PLEKHA5: variants seen among roughly 807,000 people sequenced by gnomAD.
PLEKHA5 encodes the protein pleckstrin homology domain containing A5, also known as pleckstrin homology domain-containing family A member 5.
Under a neutral mutation model 181.9 loss-of-function variants are expected in PLEKHA5, and 55 were observed. The ratio of observed to expected loss-of-function variants is 0.30; its 90% CI spans 0.24 to 0.38. PLEKHA5 has a LOEUF of 0.38. Among genes scored for constraint, PLEKHA5 ranks in the 10% least tolerant of loss-of-function variants. The pLI, the probability that PLEKHA5 is intolerant of heterozygous loss-of-function variation, is 1.00. For missense variants in PLEKHA5, 1,432 were observed against 1,549.5 expected, an observed-to-expected ratio of 0.92 and a Z score of 1.27; for synonymous variants, 535 against 529.4, an observed-to-expected ratio of 1.01 and a Z score of -0.15.
rs775096129 is a variant in PLEKHA5, at chr12:19,130,135, C to T, written c.169+5C>T. 7 of 1,552,618 alleles carry T rather than the reference C, an allele frequency of 4.5e-6. No individual in the cohort carries two copies. The highest frequency in any genetic ancestry group is 3.4e-4 in the Middle Eastern group (2 of 5,876). On this transcript the variant is annotated splice_donor_5th_base_variant and intron_variant, in intron 2 of 31. Coordinates refer to ENST00000429027, the MANE Select transcript of PLEKHA5 (RefSeq NM_001256470.2). The surrounding 1 kb of genome is among the most constrained non-coding windows in gnomAD (Gnocchi z 4.5). The stretch of plus-strand genomic sequence containing the variant: ...GACACCGGCGGCAGAGCACAGGTAA[C>T]GCCGGGCCCAAACGGAGTTGGGCTC...
At chr12:19,156,198 T>C (rs1024674431) in intron 3 of PLEKHA5, among the ~76,000 whole-genome samples, 2 of 103,840 alleles carry the variant, frequency 1.9e-5, no homozygotes, top group South Asian at 4.0e-4. Flanking sequence ...CTTGATTTGT[T>C]TTTTTTCCTT....
intron 3 of PLEKHA5, among the ~76,000 whole-genome samples, chr12:19,227,027 C>T (rs982264693): frequency 1.3e-5 from 2 of 151,942 alleles, no homozygotes; most frequent in Admixed American, 1.3e-4. Flanking sequence ...CAGTTCCATA[C>T]CTCTTTTGTG....
At chr12:19,220,411 G>T (rs1414270544) in intron 3 of PLEKHA5, among the ~76,000 whole-genome samples, 1 of 151,974 alleles carries the variant, frequency 6.6e-6, no homozygotes, top group African/African-American at 2.4e-5. Context: ...TTTGACAGAG[G>T]TATGAAAATG....
At chr12:19,217,219 C>T (rs754148127) in intron 3 of PLEKHA5, among the ~76,000 whole-genome samples, 2 of 152,178 alleles carry the variant, frequency 1.3e-5, no homozygotes, top group African/African-American at 4.8e-5. Flanking sequence ...TCCATAAACA[C>T]CTACTATGTG....
chr12:19,336,701 A>C, intron 21 of PLEKHA5, 85 bp downstream of exon 21: 1 of 729,382 alleles, frequency 1.4e-6, no homozygotes, highest in Non-Finnish European at 2.3e-6. Flanking sequence ...ACGCATACCC[A>C]TAACAGTTTT....
chr12:19,217,498 T>C (rs2058173699), intron 3 of PLEKHA5, among the ~76,000 whole-genome samples: 1 of 152,204 alleles, frequency 6.6e-6, no homozygotes, highest in African/African-American at 2.4e-5. Context: ...GCTGTCACTA[T>C]GCCAATTGTG....
chr12:19,157,139 T>C (rs1323999575), intron 3 of PLEKHA5, among the ~76,000 whole-genome samples: 1 of 143,158 alleles, frequency 7.0e-6, no homozygotes, highest in Non-Finnish European at 1.5e-5. Flanking sequence ...GAGCTGTATA[T>C]GTTATACAGC....
intron 3 of PLEKHA5, among the ~76,000 whole-genome samples, chr12:19,230,689 G>C (rs1187376031): frequency 6.6e-6 from 1 of 152,096 alleles, no homozygotes; most frequent in African/African-American, 2.4e-5. Flanking sequence ...TGAAACTTGC[G>C]CTGGCCCACA....
chr12:19,283,134 G>A (rs183808504), intron 11 of PLEKHA5, 146 bp from the exon 12 acceptor site: 21 of 456,750 alleles, frequency 4.6e-5, no homozygotes, highest in East Asian at 1.8e-4. Context: ...GCAACAGAGC[G>A]AGACTCTTGT....
At chr12:19,340,410 T>C (rs2093779939) in intron 21 of PLEKHA5, among the ~76,000 whole-genome samples, 3 of 137,352 alleles carry the variant, frequency 2.2e-5, no homozygotes, top group Non-Finnish European at 3.3e-5. Flanking sequence ...GTCCGGGAGG[T>C]GAGGGGCGCC....
intron 3 of PLEKHA5, among the ~76,000 whole-genome samples, chr12:19,197,891 A>G (rs946655840): frequency 6.6e-6 from 1 of 151,382 alleles, no homozygotes; most frequent in Non-Finnish European, 1.5e-5. Flanking sequence ...CCTTGCAGCC[A>G]TTCTCAATTT....
intron 3 of PLEKHA5, among the ~76,000 whole-genome samples, chr12:19,186,014 A>C (rs746557336): frequency 4.6e-5 from 7 of 152,182 alleles, no homozygotes; most frequent in African/African-American, 1.7e-4. Flanking sequence ...CTGTCTCTCT[A>C]GGCTTATAAA....
Position 19,353,963 on chromosome 12 carries a change from A to G in PLEKHA5, c.3099A>G (p.Val1033=). ...TPESSTIASY[V]TLRKTKKMMD... is the part of the protein sequence containing the mutation. The stretch of plus-strand genomic sequence containing the variant: ...AATCTTCGACAATAGCTTCCTATGT[A>G]ACCTTGAGGAAAACTAAGAAGATGA... The change falls in exon 26 of 32, where the codon GTA becomes GTG. Residue 1033 remains valine (V), a synonymous_variant. Coordinates refer to ENST00000429027, the MANE Select transcript of PLEKHA5 (RefSeq NM_001256470.2). 6.2e-7 allele frequency: 1 copy of G among 1,605,260 alleles called. No homozygotes were observed. Among genetic ancestry groups the G allele is most frequent in the Non-Finnish European group, 8.5e-7 (1 of 1,172,124 alleles).
rs181628062 is a variant in PLEKHA5, at chr12:19,246,059, C to A, written c.228-7881C>A. 4.5e-3 allele frequency among the ~76,000 whole-genome samples: 671 copies of A among 150,226 alleles called. 5 individuals carry two copies. Among genetic ancestry groups the A allele is most frequent in the African/African-American group, 0.016 (642 of 40,906 alleles). On this transcript the variant is annotated intron_variant, in intron 3 of 31. Coordinates refer to ENST00000429027, the MANE Select transcript of PLEKHA5 (RefSeq NM_001256470.2). ...AGTGGCATGATCTTGGCTCACTGCA[C>A]GCTCCATCTCCCAGGTTCATGCCAT...
chr12:19,284,095 GTCTC>G (rs2076733943), intron 12 of PLEKHA5, among the ~76,000 whole-genome samples: 1 of 152,050 alleles, frequency 6.6e-6, no homozygotes, highest in East Asian at 1.9e-4. Context: ...TTGAGATGGA[GTCTC>G]TCTCTGTTGC....
At chr12:19,240,114 A>G (rs1189012877) in intron 3 of PLEKHA5, among the ~76,000 whole-genome samples, 1 of 152,222 alleles carries the variant, frequency 6.6e-6, no homozygotes, top group Non-Finnish European at 1.5e-5. Flanking sequence ...AAGCTCATGC[A>G]GTATATGAAA....
chr12:19,163,676 A>ATCTG (rs1175968574), intron 3 of PLEKHA5, among the ~76,000 whole-genome samples: 1 of 151,718 alleles, frequency 6.6e-6, no homozygotes, highest in Non-Finnish European at 1.5e-5. Flanking sequence ...CTTCCTATCT[A>ATCTG]TCTATCTATC....
chr12:19,213,326 A>G (rs926910603), intron 3 of PLEKHA5, among the ~76,000 whole-genome samples: 5 of 151,992 alleles, frequency 3.3e-5, no homozygotes, highest in Non-Finnish European at 5.9e-5. Context: ...ATTGCTAAGC[A>G]GAAAAGCAGG....
chr12:19,333,285 C>G (rs1162436332), intron 20 of PLEKHA5, among the ~76,000 whole-genome samples: 3 of 150,504 alleles, frequency 2.0e-5, no homozygotes, highest in Non-Finnish European at 4.4e-5. Flanking sequence ...AACTCCATCT[C>G]AAAAAAAAGA....
Sources: allele counts gnomAD v4.1 joint callset (sites outside exome capture counted in the v4.1 genomes callset), GRCh38; gene constraint gnomAD v4.1.1; non-coding constraint Gnocchi (gnomAD v3.1); transcripts MANE v1.5; gene names NCBI Gene and HGNC (gene_info 2026-07-23, HGNC 2026-07-21).